ESCO2: variants seen among roughly 807,000 people sequenced by gnomAD.
ESCO2 encodes the protein establishment of sister chromatid cohesion N-acetyltransferase 2.
A neutral mutation model predicts 61.7 loss-of-function variants in ESCO2; 51 were observed. That is an observed-to-expected ratio of 0.83 (90% CI 0.66 to 1.04). The LOEUF is 1.04. Among genes scored for constraint, ESCO2 ranks in the 50% least tolerant of loss-of-function variants. The pLI is 0.00. For missense variants in ESCO2, 692 were observed against 686.2 expected (o/e 1.01, Z -0.09); for synonymous variants, 230 against 238.2 (o/e 0.97, Z 0.32).
At chr8:27,816,843 C>T (rs532965895), downstream of ESCO2, among the ~76,000 whole-genome samples, 4 of 151,450 alleles carry the variant, frequency 2.6e-5, no homozygotes, top group African/African-American at 7.3e-5. Context: ...AAATATAAAC[C>T]CGTATAATTT....
At chr8:27,772,642 C>T (rs1422902659), upstream of ESCO2, 8 of 1,140,324 alleles carry the variant, frequency 7.0e-6, no homozygotes, top group East Asian at 2.7e-5. Flanking sequence ...CCCGGAACTC[C>T]TCCGTGCACT....
Position 27,804,889 on chromosome 8 carries a change from CT to C in ESCO2, c.*1454del. The C allele has an allele frequency of 2.1e-6, 1 of 477,714 alleles. No homozygotes were observed. Among genetic ancestry groups the C allele is most frequent in the Non-Finnish European group, 2.7e-6 (1 of 366,668 alleles). 29.6% of individuals were successfully genotyped at this position (477,714 alleles called of 1,614,324 possible). ...CTTTTGTTATGAATCAATTAAAATT[CT>C]TTATTTTATACAACTAAATCTGATT... On this transcript the variant is annotated 3_prime_UTR_variant, in exon 11 of 11. Transcript: ENST00000305188.
intron 10 of ESCO2, among the ~76,000 whole-genome samples, chr8:27,802,154 T>C (rs1805444676): frequency 1.3e-5 from 2 of 151,068 alleles, no homozygotes; most frequent in South Asian, 4.2e-4. Context: ...TTTTTTTTTC[T>C]TTCACAAACA....
chr8:27,804,206 AAAAT>A lies in ESCO2; in HGVS notation c.*773_*776del, dbSNP rs1585413945. The A allele has an allele frequency of 4.1e-6, 4 of 985,200 alleles. No individual in the cohort carries two copies. Among genetic ancestry groups the A allele is most frequent in the African/African-American group, 1.7e-5 (1 of 57,248 alleles). The allele number at this position is 985,200 out of a possible 1,614,324, so 61.0% of individuals were successfully genotyped here. On this transcript the variant is annotated 3_prime_UTR_variant, in exon 11 of 11. Coordinates refer to ENST00000305188, the MANE Select transcript of ESCO2 (RefSeq NM_001017420.3). ...GATAGCTTAGTGTTCAATCTTTTTG[AAAAT>A]AAATGTTTACCTGTCATCAGATTTA...
chr8:27,778,053 C>G (rs548255531), intron 3 of ESCO2: 1 of 152,270 alleles, frequency 6.6e-6, no homozygotes, highest in East Asian at 1.9e-4. Context: ...GCTTGGCCTA[C>G]ATAATTTAAA....
chr8:27,784,582 T>C (rs181600507), intron 5 of ESCO2, among the ~76,000 whole-genome samples: 38 of 152,256 alleles, frequency 2.5e-4, no homozygotes, highest in Admixed American at 8.5e-4. Flanking sequence ...CCCCATGTTG[T>C]AGATGAGAAA....
intron 6 of ESCO2, 121 bp downstream of exon 6, chr8:27,788,123 C>T: frequency 1.4e-6 from 1 of 718,078 alleles, no homozygotes; most frequent in South Asian, 1.5e-5. Context: ...TTTTATGTGA[C>T]AGAATGGGAG....
At chr8:27,777,261 T>C in intron 3 of ESCO2, 92 bp downstream of exon 3, 2 of 1,194,550 alleles carry the variant, frequency 1.7e-6, no homozygotes, top group Non-Finnish European at 2.3e-6. Flanking sequence ...TCTGGACTGC[T>C]TTTATAAAGC....
At chr8:27,788,563 C>T (rs1286422661) in intron 6 of ESCO2, among the ~76,000 whole-genome samples, 5 of 151,812 alleles carry the variant, frequency 3.3e-5, no homozygotes, top group Admixed American at 3.3e-4. Flanking sequence ...CTCACCATGT[C>T]GCCCAGACTG....
downstream of ESCO2, among the ~76,000 whole-genome samples, chr8:27,809,371 A>G (rs1805623880): frequency 6.6e-6 from 1 of 152,168 alleles, no homozygotes; most frequent in Non-Finnish European, 1.5e-5. Flanking sequence ...AGTTGTTCCT[A>G]ATGTTTCTGA....
At chr8:27,810,575 C>G, downstream of ESCO2, 1 of 802,720 alleles carries the variant, frequency 1.2e-6, no homozygotes, top group South Asian at 1.7e-5. Context: ...GCTCACCCTT[C>G]TCCTGAAACA....
intron 3 of ESCO2, chr8:27,777,372 GCT>G: frequency 2.3e-6 from 1 of 426,278 alleles, no homozygotes; most frequent in Non-Finnish European, 4.1e-6. Flanking sequence ...GTGGCACACT[GCT>G]CACTACAGCC....
intron 10 of ESCO2, among the ~76,000 whole-genome samples, 178 bp downstream of exon 10, chr8:27,799,894 G>A (rs1018435271): frequency 5.3e-5 from 8 of 149,700 alleles, no homozygotes; most frequent in Non-Finnish European, 1.0e-4. Context: ...TCAGTCTAGG[G>A]TGCAACATTC....
upstream of ESCO2, chr8:27,773,503 GC>G (rs1804703885): frequency 1.3e-5 from 2 of 151,294 alleles, no homozygotes; most frequent in Admixed American, 1.3e-4. Context: ...CTTCTGGGCA[GC>G]TGTCCCCGCT....
rs1417056583 is a variant in ESCO2, at chr8:27,776,462, C to A, written c.154C>A (p.Gln52Lys). ...KNEENLHCSQ[Q>K]EHFVLSALKT... Reference sequence around the variant, plus strand: ...TGAAGAAAACCTGCATTGCTCTCAACAAGAGCATTTTGTTTTAAGTGCGCT... The same window carrying A: ...TGAAGAAAACCTGCATTGCTCTCAAAAAGAGCATTTTGTTTTAAGTGCGCT... Residue 52 changes from glutamine to lysine, a missense_variant, in exon 3 of 11, where the codon CAA becomes AAA. Physicochemically the swap from Gln to Lys is moderately conservative, Grantham distance 53. Coordinates refer to ENST00000305188, the MANE Select transcript of ESCO2 (RefSeq NM_001017420.3). The A allele has an allele frequency of 1.9e-6, 3 of 1,611,450 alleles. No individual in the cohort carries two copies. The South Asian group carries it at 3.3e-5, about 18-fold the overall frequency.
Position 27,777,021 on chromosome 8 carries a change from CAG to C in ESCO2, c.715_716del (p.Glu239SerfsTer3). 6.2e-7 allele frequency: 1 copy of C among 1,611,644 alleles called. No homozygotes were observed. Among genetic ancestry groups the C allele is most frequent in the Non-Finnish European group, 8.5e-7 (1 of 1,179,498 alleles). ...CTGGGACGCACCCAAAAGAGTAAAT[CAG>C]AAGTCATTGAAGATTCTGATGTAGA... On this transcript the variant is annotated frameshift_variant, in exon 3 of 11. Coordinates refer to ENST00000305188, the MANE Select transcript of ESCO2 (RefSeq NM_001017420.3). LOFTEE classifies it high-confidence loss of function.
At chr8:27,782,590 A>G (rs1343376903) in intron 4 of ESCO2, among the ~76,000 whole-genome samples, 1 of 151,946 alleles carries the variant, frequency 6.6e-6, no homozygotes, top group Non-Finnish European at 1.5e-5. Context: ...CTCTTTTTCT[A>G]TATGTAATTA....
chr8:27,815,475 TC>T (rs1226533274), downstream of ESCO2, among the ~76,000 whole-genome samples: 14 of 152,298 alleles, frequency 9.2e-5, no homozygotes, highest in Non-Finnish European at 1.8e-4. Flanking sequence ...TTAAAGGTTT[TC>T]CCCTATACTG....
chr8:27,788,124 A>T lies in ESCO2; in HGVS notation c.1131+122A>T. ...GTCATTAAGCAATGTTTTATGTGAC[A>T]GAATGGGAGTTGTAGGTGGTGACAT... is the stretch of plus-strand genomic sequence containing the variant. On this transcript the variant is annotated intron_variant, in intron 6 of 10. Coordinates refer to ENST00000305188, the MANE Select transcript of ESCO2 (RefSeq NM_001017420.3). 10 of 712,350 alleles carry T rather than the reference A, an allele frequency of 1.4e-5. 1 individual carries two copies. In the South Asian group the frequency reaches 1.6e-4, roughly 11 times the overall value. The allele number at this position is 712,350 out of a possible 1,614,324, so 44.1% of individuals were successfully genotyped here.
Sources: allele counts gnomAD v4.1 joint callset (sites outside exome capture counted in the v4.1 genomes callset), GRCh38; gene constraint gnomAD v4.1.1; transcripts MANE v1.5; gene names NCBI Gene and HGNC (gene_info 2026-07-23, HGNC 2026-07-21).